The following TCF12 variants were observed in gnomAD, a reference collection of about 807,000 sequenced individuals.
TCF12 encodes transcription factor 12, also known as DNA-binding protein HTF4.
Under a neutral mutation model 86.0 loss-of-function variants are expected in TCF12, and 45 were observed. That is an observed-to-expected ratio of 0.52 (90% CI 0.41 to 0.67). The LOEUF is 0.67. Ranked by LOEUF, TCF12 falls within the 30% of genes least tolerant of loss-of-function variation. The pLI, the probability that TCF12 is intolerant of heterozygous loss-of-function variation, is 0.00. For synonymous variants in TCF12, 330 were observed against 299.6 expected, an observed-to-expected ratio of 1.10 and a Z score of -1.05; for missense variants, 881 against 859.9, an observed-to-expected ratio of 1.02 and a Z score of -0.31.
chr15:57,210,913 C>T (rs960287929), intron 8 of TCF12, among the ~76,000 whole-genome samples: 1 of 152,156 alleles, frequency 6.6e-6, no homozygotes, highest in East Asian at 1.9e-4. Flanking sequence ...AGAAACAAGT[C>T]ATAGATGGGC....
chr15:56,998,926 C>T (rs540686015), intron 3 of TCF12, among the ~76,000 whole-genome samples: 8 of 152,102 alleles, frequency 5.3e-5, no homozygotes, highest in Admixed American at 2.6e-4. Flanking sequence ...TGGCTGGGCG[C>T]GGTGGCTCAT....
At position 56,989,149 on chromosome 15, in the gene TCF12, AT is replaced by A. The variant is rs1365598406; in HGVS notation, c.148+68054del. Among the ~76,000 whole-genome samples the A allele has an allele frequency of 2.6e-5, 4 of 152,246 alleles. No individual in the cohort carries two copies. The East Asian group carries it at 5.8e-4, about 22-fold the overall frequency. ...ACATATTATGCATATTTATACCAAC[AT>A]TTAAATTAGGATCATACTGCTTCTG... is the stretch of plus-strand genomic sequence containing the variant. On this transcript the variant is annotated intron_variant, in intron 3 of 20. Transcript: ENST00000333725.
At chr15:57,181,844 T>G (rs1015420981) in intron 6 of TCF12, among the ~76,000 whole-genome samples, 29 of 152,212 alleles carry the variant, frequency 1.9e-4, no homozygotes, top group African/African-American at 6.8e-4. Context: ...TCATCTAGGC[T>G]GCGTTAGTGT....
chr15:57,083,404 T>C (rs2048434731), intron 4 of TCF12, among the ~76,000 whole-genome samples: 1 of 152,140 alleles, frequency 6.6e-6, no homozygotes, highest in Non-Finnish European at 1.5e-5. Flanking sequence ...CTCTCGTTTC[T>C]ACAATGGGTA....
chr15:57,018,527 A>G (rs1188028110), intron 3 of TCF12, among the ~76,000 whole-genome samples: 1 of 150,156 alleles, frequency 6.7e-6, no homozygotes, highest in Non-Finnish European at 1.5e-5. Flanking sequence ...CAGTGGCAAG[A>G]TCTCGGCTCA....
intron 13 of TCF12, among the ~76,000 whole-genome samples, chr15:57,250,384 C>T (rs1451140502): frequency 6.6e-6 from 1 of 152,092 alleles, no homozygotes; most frequent in Non-Finnish European, 1.5e-5. Context: ...TCATAATAGC[C>T]GAGTGGTAAC....
intron 3 of TCF12, among the ~76,000 whole-genome samples, chr15:57,035,711 A>G (rs2066465534): frequency 6.6e-6 from 1 of 152,200 alleles, no homozygotes; most frequent in African/African-American, 2.4e-5. Context: ...AAACACCAAA[A>G]GCCTGGCCTG....
intron 3 of TCF12, among the ~76,000 whole-genome samples, chr15:57,022,202 T>A (rs577791636): frequency 6.6e-6 from 1 of 152,126 alleles, no homozygotes; most frequent in African/African-American, 2.4e-5. Flanking sequence ...TTTCTCTTAA[T>A]GCTGTCCCTC....
At chr15:57,072,809 A>C in intron 4 of TCF12, 2 of 824,876 alleles carry the variant, frequency 2.4e-6, no homozygotes, top group Non-Finnish European at 3.2e-6. Context: ...GAAGAAAACT[A>C]TGAGTAAGAA....
rs192945223 is a variant in TCF12, at chr15:56,957,184, G to T, written c.148+36086G>T. ...TGGATATCCAAGCCTCTACAACTGTGAGCCAATTTCTTGTCGTTATGAATT... is the reference window on the plus strand; with the variant it reads ...TGGATATCCAAGCCTCTACAACTGTTAGCCAATTTCTTGTCGTTATGAATT... On this transcript the variant is annotated intron_variant, in intron 3 of 20. Coordinates refer to ENST00000333725, the MANE Select transcript of TCF12 (RefSeq NM_207037.2). 5.3e-3 allele frequency among the ~76,000 whole-genome samples: 810 copies of T among 152,204 alleles called. 9 individuals carry two copies. Among genetic ancestry groups the T allele is most frequent in the Non-Finnish European group, 6.1e-3 (414 of 68,036 alleles).
At chr15:57,241,963 G>C (rs1180393829) in intron 12 of TCF12, among the ~76,000 whole-genome samples, 1 of 152,008 alleles carries the variant, frequency 6.6e-6, no homozygotes, top group African/African-American at 2.4e-5. Context: ...CTGCACTCCA[G>C]CCTGGGTAAC....
At chr15:57,143,595 G>T (rs1288912843) in intron 5 of TCF12, among the ~76,000 whole-genome samples, 1 of 152,118 alleles carries the variant, frequency 6.6e-6, no homozygotes, top group African/African-American at 2.4e-5. Flanking sequence ...TTTTAAGCTG[G>T]GTTGTAGGTT....
chr15:57,111,697 T>A lies in TCF12; in HGVS notation c.325+19806T>A, dbSNP rs77983609. ...ACCTCTGCCTACCGGGCTCAAGTGA[T>A]CCTTCGGGCTCAGCCCCACCAAGTA... On this transcript the variant is annotated intron_variant, in intron 5 of 20. Transcript: ENST00000333725. Among the ~76,000 whole-genome samples, 327 of 149,358 alleles carry A rather than the reference T, an allele frequency of 2.2e-3. 4 individuals carry two copies. In the East Asian group the frequency reaches 0.05, roughly 23 times the overall value.
intron 5 of TCF12, among the ~76,000 whole-genome samples, chr15:57,135,332 G>C (rs906247280): frequency 1.3e-5 from 2 of 152,116 alleles, no homozygotes; most frequent in African/African-American, 2.4e-5. Context: ...AGGGAAAATT[G>C]TTCAAATGAA....
At chr15:57,123,434 A>G (rs938186453) in intron 5 of TCF12, among the ~76,000 whole-genome samples, 11 of 152,088 alleles carry the variant, frequency 7.2e-5, no homozygotes, top group African/African-American at 9.7e-5. Context: ...CTTTTAAAGT[A>G]TTTTGTTTGA....
chr15:56,984,984 T>C (rs141196250), intron 3 of TCF12, among the ~76,000 whole-genome samples: 1 of 152,316 alleles, frequency 6.6e-6, no homozygotes, highest in East Asian at 1.9e-4. Context: ...AGAAATTATC[T>C]TTCTACTCAA....
chr15:57,038,439 G>A (rs1444164542), intron 3 of TCF12, among the ~76,000 whole-genome samples: 1 of 150,264 alleles, frequency 6.7e-6, no homozygotes, highest in Non-Finnish European at 1.5e-5. Flanking sequence ...GAAAGAAGGT[G>A]GGGGTGGTGG....
intron 3 of TCF12, among the ~76,000 whole-genome samples, chr15:56,936,662 A>G (rs2060483443): frequency 6.6e-6 from 1 of 152,140 alleles, no homozygotes; most frequent in Non-Finnish European, 1.5e-5. Context: ...TGTATAAGGT[A>G]TGAGATGAGG....
chr15:57,263,196 C>G lies in TCF12; in HGVS notation c.1667C>G (p.Pro556Arg), dbSNP rs758241956. The G allele has an allele frequency of 1.2e-6, 2 of 1,613,092 alleles. No individual in the cohort carries two copies. The highest frequency in any genetic ancestry group is 1.1e-5 in the South Asian group (1 of 90,906). The change falls in exon 18 of 21, where the codon CCT (proline) becomes CGT (arginine). Residue 556 changes from proline to arginine, a missense_variant. Pro to Arg is a moderately radical substitution (Grantham distance 103, BLOSUM62 -2). Around this residue, in one of 3 missense-constraint regions of TCF12, gnomAD observed 766 missense variants for 718.9 expected, o/e 1.07. Coordinates refer to ENST00000333725, the MANE Select transcript of TCF12 (RefSeq NM_207037.2). Reference sequence around the variant, plus strand: ...GAAAAGGATGAAAACCTTCATGAACCTCCTTCATCAGATGACATGAAGTCA... The same window carrying G: ...GAAAAGGATGAAAACCTTCATGAACGTCCTTCATCAGATGACATGAAGTCA... ...NKEKDENLHE[P>R]PSSDDMKSDD... is the part of the protein sequence containing the mutation.
Sources: gnomAD v4.1 joint callset for allele counts (sites outside exome capture counted in the v4.1 genomes callset) on GRCh38, gnomAD v4.1.1 for gene constraint, gnomAD v4.1.1 regional missense constraint, MANE v1.5 for transcripts, NCBI Gene and HGNC (gene_info 2026-07-23, HGNC 2026-07-21) for gene names.